Variants in ITPR1 observed in about 807,000 individuals in gnomAD.
ITPR1 encodes inositol 1,4,5-trisphosphate-gated calcium channel ITPR1.
In ITPR1, 96 loss-of-function variants were observed where a neutral mutation model predicts 318.4. The ratio of observed to expected loss-of-function variants is 0.30; its 90% CI spans 0.26 to 0.36. ITPR1 has a LOEUF of 0.36. Ranked by LOEUF, ITPR1 falls within the 10% of genes least tolerant of loss-of-function variation. ITPR1 has a pLI of 1.00. For missense variants in ITPR1, 2,440 were observed against 3,460.2 expected (o/e 0.71, Z 7.40); for synonymous variants, 1,312 against 1,289.9 (o/e 1.02, Z -0.37).
chr3:4,607,152 G>A (rs950976630), intron 4 of ITPR1, among the ~76,000 whole-genome samples: 3 of 152,158 alleles, frequency 2.0e-5, no homozygotes, highest in African/African-American at 7.2e-5. Flanking sequence ...GCAGTGACTT[G>A]AGTCCTAGAA....
At chr3:4,618,617 C>A (rs1157344181) in intron 4 of ITPR1, among the ~76,000 whole-genome samples, 1 of 152,172 alleles carries the variant, frequency 6.6e-6, no homozygotes, top group African/African-American at 2.4e-5. Flanking sequence ...TTGCATAGCT[C>A]TTTTGTAGCG....
chr3:4,842,650 C>A (rs932336908), intron 61 of ITPR1, among the ~76,000 whole-genome samples: 2 of 152,166 alleles, frequency 1.3e-5, no homozygotes, highest in Non-Finnish European at 2.9e-5. Context: ...AGCCACCATG[C>A]CCAGCCGTTT....
intron 44 of ITPR1, among the ~76,000 whole-genome samples, chr3:4,736,259 G>T (rs977687917): frequency 6.6e-6 from 1 of 152,156 alleles, no homozygotes; most frequent in Non-Finnish European, 1.5e-5. Context: ...TCACCCTGAT[G>T]TATATATTTG....
intron 61 of ITPR1, among the ~76,000 whole-genome samples, chr3:4,838,815 A>G (rs1461856607): frequency 6.6e-6 from 1 of 152,234 alleles, no homozygotes; most frequent in East Asian, 1.9e-4. Context: ...CCAATTTACT[A>G]GAGAGTTTCT....
intron 23 of ITPR1, 90 bp from the exon 24 acceptor site, chr3:4,676,524 A>G (rs1240227151): frequency 2.2e-6 from 2 of 906,570 alleles, no homozygotes; most frequent in Non-Finnish European, 3.4e-6. Flanking sequence ...ATGTTAAATA[A>G]TTTCTCTCAA....
intron 4 of ITPR1, among the ~76,000 whole-genome samples, chr3:4,621,234 G>A (rs937882993): frequency 3.9e-5 from 6 of 152,116 alleles, no homozygotes; most frequent in African/African-American, 1.4e-4. Context: ...CACGATGCTG[G>A]CATCTGCTTG....
chr3:4,607,792 T>C (rs1025178887), intron 4 of ITPR1, among the ~76,000 whole-genome samples: 9 of 152,038 alleles, frequency 5.9e-5, no homozygotes, highest in Middle Eastern at 3.2e-3. Context: ...CCATCAGTAG[T>C]CAGATTTGCA....
intron 52 of ITPR1, among the ~76,000 whole-genome samples, chr3:4,789,858 T>C (rs1298386148): frequency 6.6e-6 from 1 of 152,176 alleles, no homozygotes; most frequent in African/African-American, 2.4e-5. Flanking sequence ...GACCTTGTGA[T>C]CCATCCGCCT....
In ITPR1 at chr3:4,673,168, TG is replaced by T; in HGVS notation, c.2239del (p.Asp747ThrfsTer56). 1 of 1,613,976 alleles carries T rather than the reference TG, an allele frequency of 6.2e-7. No homozygotes were observed. The highest frequency in any genetic ancestry group is 8.5e-7 in the Non-Finnish European group (1 of 1,179,858). ...YQLNLFARMC[L>X]DRQYLAINEI... is the part of the protein sequence containing the mutation. ...CTGAACCTCTTTGCGAGGATGTGTCTGGACCGCCAATACCTGGCCATCAACG... is the reference window on the plus strand; with the variant it reads ...CTGAACCTCTTTGCGAGGATGTGTCTGACCGCCAATACCTGGCCATCAACG... On this transcript the variant is annotated frameshift_variant, in exon 21 of 62. Transcript: ENST00000649015. LOFTEE classifies it high-confidence loss of function.
At chr3:4,506,564 CCTGT>C (rs1238199364) in intron 2 of ITPR1, among the ~76,000 whole-genome samples, 43 of 152,114 alleles carry the variant, frequency 2.8e-4, no homozygotes, top group African/African-American at 1.0e-3. Context: ...CTGTTTGTTT[CCTGT>C]CTGTCTGCCC....
At chr3:4,580,852 C>G (rs1384746723) in intron 4 of ITPR1, among the ~76,000 whole-genome samples, 1 of 151,668 alleles carries the variant, frequency 6.6e-6, no homozygotes, top group Admixed American at 6.6e-5. Context: ...TGAGTGGCGC[C>G]CTTGAGCAGA....
intron 4 of ITPR1, among the ~76,000 whole-genome samples, chr3:4,536,970 A>G (rs116291275): frequency 0.011 from 1,620 of 149,108 alleles, 33 homozygotes; most frequent in African/African-American, 0.039. Context: ...TCAATCCCAG[A>G]CGAACAGCTG....
chr3:4,749,860 C>G (rs1437731307), intron 44 of ITPR1: 1 of 152,754 alleles, frequency 6.5e-6, no homozygotes, highest in East Asian at 1.9e-4. Context: ...CTGAAGCACC[C>G]TGTTCATAAG....
At chr3:4,585,847 G>A (rs2089836414) in intron 4 of ITPR1, among the ~76,000 whole-genome samples, 1 of 151,986 alleles carries the variant, frequency 6.6e-6, no homozygotes, top group Admixed American at 6.6e-5. Context: ...GTATTCACGT[G>A]CCATGGTGGC....
intron 49 of ITPR1, among the ~76,000 whole-genome samples, chr3:4,781,800 T>C (rs552452610): frequency 6.6e-6 from 1 of 152,052 alleles, no homozygotes; most frequent in South Asian, 2.1e-4. Flanking sequence ...CTGGGCAACA[T>C]AGTGAGACCT....
chr3:4,620,734 C>G (rs2092597906), intron 4 of ITPR1, among the ~76,000 whole-genome samples: 1 of 139,826 alleles, frequency 7.2e-6, no homozygotes, highest in Non-Finnish European at 1.5e-5. Context: ...GTAGAAAGGG[C>G]CTTTTTCTGC....
chr3:4,786,932 A>G (rs1280907884), intron 51 of ITPR1, among the ~76,000 whole-genome samples: 1 of 152,170 alleles, frequency 6.6e-6, no homozygotes. Flanking sequence ...AAATAACCCA[A>G]TGTTACTATC....
At chr3:4,832,363 C>T (rs909199365) in intron 60 of ITPR1, among the ~76,000 whole-genome samples, 1 of 152,214 alleles carries the variant, frequency 6.6e-6, no homozygotes. Context: ...GTGGCCTGCA[C>T]AAAGTATGAC....
At chr3:4,650,846 T>C (rs1178089724) in intron 10 of ITPR1, among the ~76,000 whole-genome samples, 1 of 152,204 alleles carries the variant, frequency 6.6e-6, no homozygotes, top group Non-Finnish European at 1.5e-5. Context: ...GTCACGTTTT[T>C]CTGATTCTTT....
Sources: gnomAD v4.1 joint callset for allele counts (sites outside exome capture counted in the v4.1 genomes callset) on GRCh38, gnomAD v4.1.1 for gene constraint, MANE v1.5 for transcripts, NCBI Gene and HGNC (gene_info 2026-07-23, HGNC 2026-07-21) for gene names.